ZNF430: variants seen among roughly 807,000 people sequenced by gnomAD.
ZNF430 encodes zinc finger protein 430.
ZNF430 carries 35 observed loss-of-function variants against 56.7 expected under a neutral mutation model. The observed-to-expected ratio is 0.62, with a 90% confidence interval of 0.47 to 0.82. The LOEUF (loss-of-function observed/expected upper bound fraction) is 0.82. ZNF430 is among the 40% of genes least tolerant of loss of function. The pLI is 0.00. For missense variants in ZNF430, 574 were observed against 661.0 expected, an observed-to-expected ratio of 0.87 and a Z score of 1.44; for synonymous variants, 212 against 224.3, an observed-to-expected ratio of 0.94 and a Z score of 0.49.
intron 2 of ZNF430, among the ~76,000 whole-genome samples, chr19:21,032,959 G>C (rs934369751): frequency 6.6e-6 from 1 of 152,140 alleles, no homozygotes; most frequent in African/African-American, 2.4e-5. Context: ...TTAATTTTAT[G>C]CTTCTCATCC....
intron 2 of ZNF430, among the ~76,000 whole-genome samples, chr19:21,032,990 C>T (rs1719112032): frequency 1.3e-5 from 2 of 152,052 alleles, no homozygotes; most frequent in Admixed American, 1.3e-4. Context: ...CATATATATA[C>T]TGGTGTTATG....
At chr19:21,039,390 C>G (rs925236523) in intron 4 of ZNF430, among the ~76,000 whole-genome samples, 1 of 132,070 alleles carries the variant, frequency 7.6e-6, no homozygotes, top group African/African-American at 2.6e-5. Context: ...CCACTACACT[C>G]GGCCCATGTG....
chr19:21,025,999 G>T, intron 2 of ZNF430: 1 of 388,886 alleles, frequency 2.6e-6, no homozygotes, highest in Non-Finnish European at 4.9e-6. Context: ...AGTAATGTGG[G>T]CCCCAGATCC....
chr19:21,022,822 G>A lies in ZNF430; in HGVS notation c.37G>A (p.Glu13Lys), dbSNP rs772289789. The change falls in exon 2 of 5, where the codon GAA (glutamate) becomes AAA (lysine). Residue 13 changes from glutamate to lysine, a missense_variant. By Grantham distance (56) the Glu-to-Lys change is moderately conservative (BLOSUM62 1). Around this residue, in one of 3 missense-constraint regions of ZNF430, gnomAD observed 346 missense variants for 399.1 expected, o/e 0.87. Coordinates refer to ENST00000261560, the MANE Select transcript of ZNF430 (RefSeq NM_025189.4). ...NLKSGVYPLK[E>K]ASGCPGADRN... ...GAAGTCTGGAGTGTATCCTCTCAAG[G>A]AAGCAAGTGGATGCCCTGGGGCTGA... The A allele has an allele frequency of 2.7e-5, 43 of 1,613,856 alleles. No individual in the cohort carries two copies. The highest frequency in any genetic ancestry group is 3.4e-5 in the Non-Finnish European group (40 of 1,179,892).
At chr19:21,022,904 T>G in intron 2 of ZNF430, 23 bp downstream of exon 2, 1 of 1,548,632 alleles carries the variant, frequency 6.5e-7, no homozygotes. Context: ...GATGTTAAAA[T>G]TGTCTTCACC....
intron 4 of ZNF430, chr19:21,036,947 C>A (rs1968010198): frequency 6.6e-6 from 1 of 152,130 alleles, no homozygotes; most frequent in Admixed American, 6.6e-5. Context: ...ATTTTACCCT[C>A]TTTCCAGCCC....
At chr19:21,054,908 T>G (rs1163533981) in intron 4 of ZNF430, among the ~76,000 whole-genome samples, 2 of 151,902 alleles carry the variant, frequency 1.3e-5, no homozygotes, top group African/African-American at 4.8e-5. Flanking sequence ...TCTCCTGACC[T>G]CGTGATGCAC....
chr19:21,053,388 T>A (rs12608706), intron 4 of ZNF430: 104,641 of 151,964 alleles, frequency 0.69, 40,057 homozygotes, highest in East Asian at 0.87. Flanking sequence ...TTGGTTTTTT[T>A]ATTTTTATTT....
At position 21,033,725 on chromosome 19, in the gene ZNF430, T is replaced by C. The variant is rs563155427; in HGVS notation, c.223+143T>C. ...TAAGAAAACCTTGAGGATTTTTCCATATAGGAAAGAATTTTTTCAAGAAGT... is the reference window on the plus strand; with the variant it reads ...TAAGAAAACCTTGAGGATTTTTCCACATAGGAAAGAATTTTTTCAAGAAGT... On this transcript the variant is annotated intron_variant, in intron 3 of 4. Transcript: ENST00000261560. 17 of 1,045,256 alleles carry C rather than the reference T, an allele frequency of 1.6e-5. 2 individuals carry two copies. The South Asian group carries it at 2.7e-4, about 16-fold the overall frequency. 64.7% of individuals were successfully genotyped at this position (1,045,256 alleles called of 1,614,324 possible).
rs1968390428 is a variant in ZNF430, at chr19:21,057,013, T to G, written c.705T>G (p.Cys235Trp). 1 of 1,614,028 alleles carries G rather than the reference T, an allele frequency of 6.2e-7. No homozygotes were observed. The highest frequency in any genetic ancestry group is 8.5e-7 in the Non-Finnish European group (1 of 1,179,986). The part of the protein sequence containing the change: ...RIHIRENSYQ[C>W]EECGKVFNWF... Reference sequence around the variant, plus strand: ...ATATTAGGGAAAATTCTTACCAATGTGAAGAATGTGGTAAAGTCTTTAACT... The same window carrying G: ...ATATTAGGGAAAATTCTTACCAATGGGAAGAATGTGGTAAAGTCTTTAACT... Residue 235 changes from cysteine to tryptophan, a missense_variant, in exon 5 of 5, where the codon TGT becomes TGG. By Grantham distance (215) the Cys-to-Trp change is radical. Transcript: ENST00000261560.
intron 1 of ZNF430, 133 bp downstream of exon 1, chr19:21,020,936 G>C: frequency 7.8e-7 from 1 of 1,281,180 alleles, no homozygotes; most frequent in African/African-American, 1.5e-5. Flanking sequence ...GCCCAGCTGG[G>C]CCTCAGTCCC....
Position 21,020,660 on chromosome 19 carries a change from C to T in ZNF430, c.-141C>T, listed in dbSNP as rs528182557. On this transcript the variant is annotated 5_prime_UTR_variant, in exon 1 of 5. Coordinates refer to ENST00000261560, the MANE Select transcript of ZNF430 (RefSeq NM_025189.4). ...TTCCGGGTTTGGCGGGGCCTTTGTC[C>T]CTCGCTGTGGCCTGAGCTCCAGGTC... 83 of 1,289,724 alleles carry T rather than the reference C, an allele frequency of 6.4e-5. No homozygotes were observed. Among genetic ancestry groups the T allele is most frequent in the African/African-American group, 3.7e-4 (24 of 64,032 alleles). The allele number at this position is 1,289,724 out of a possible 1,614,324, so 79.9% of individuals were successfully genotyped here.
intron 2 of ZNF430, among the ~76,000 whole-genome samples, chr19:21,026,212 G>A (rs998381219): frequency 5.4e-5 from 8 of 148,350 alleles, no homozygotes; most frequent in Non-Finnish European, 8.9e-5. Context: ...TTCTTGAGAC[G>A]GAGTCTCACT....
At position 21,058,210 on chromosome 19, in the gene ZNF430, T is replaced by G. The variant is rs1444592187; in HGVS notation, c.*189T>G. On this transcript the variant is annotated 3_prime_UTR_variant, in exon 5 of 5. Transcript: ENST00000261560. ...CTGTAATCCCAGCACTTTGGGAGGC[T>G]GAGACGGGTGAATTACATGAGGTTG... 1 of 581,586 alleles carries G rather than the reference T, an allele frequency of 1.7e-6. No individual in the cohort carries two copies. The highest frequency in any genetic ancestry group is 3.1e-5 in the Admixed American group (1 of 31,954). The allele number at this position is 581,586 out of a possible 1,614,324, so 36.0% of individuals were successfully genotyped here. A position where few individuals can be genotyped will look rare whatever the true frequency, so the allele number is the denominator to read the frequency against.
At chr19:21,029,582 G>C (rs959071289) in intron 2 of ZNF430, among the ~76,000 whole-genome samples, 2 of 152,120 alleles carry the variant, frequency 1.3e-5, no homozygotes, top group East Asian at 3.9e-4. Flanking sequence ...TCCTTTCCCT[G>C]CCCAAATTCT....
intron 2 of ZNF430, among the ~76,000 whole-genome samples, chr19:21,031,084 A>G (rs1306303146): frequency 6.6e-6 from 1 of 152,214 alleles, no homozygotes; most frequent in East Asian, 1.9e-4. Flanking sequence ...AGGTTACACC[A>G]TGTTGGCCAG....
At chr19:21,026,832 T>C (rs1487844228) in intron 2 of ZNF430, among the ~76,000 whole-genome samples, 2 of 119,262 alleles carry the variant, frequency 1.7e-5, no homozygotes, top group Non-Finnish European at 1.8e-5. Flanking sequence ...CTTTTCTTTT[T>C]TTTTTTTTTT....
intron 4 of ZNF430, among the ~76,000 whole-genome samples, chr19:21,046,099 A>G (rs1029260476): frequency 1.3e-5 from 2 of 152,080 alleles, no homozygotes; most frequent in Non-Finnish European, 2.9e-5. Flanking sequence ...AGGCAGGTGA[A>G]TCACCTGAGG....
chr19:21,049,793 TTTTG>T (rs1968253196), intron 4 of ZNF430, among the ~76,000 whole-genome samples: 2 of 152,180 alleles, frequency 1.3e-5, no homozygotes, highest in Non-Finnish European at 2.9e-5. Flanking sequence ...TGTATTTTTA[TTTTG>T]TTTTTCAAGT....
Sources: gnomAD v4.1 joint callset for allele counts (sites outside exome capture counted in the v4.1 genomes callset) on GRCh38, gnomAD v4.1.1 for gene constraint, gnomAD v4.1.1 regional missense constraint, MANE v1.5 for transcripts, NCBI Gene and HGNC (gene_info 2026-07-23, HGNC 2026-07-21) for gene names.